NKAIN2: variants seen among roughly 807,000 people sequenced by gnomAD.
NKAIN2 encodes the protein sodium/potassium-transporting ATPase subunit beta-1-interacting protein 2.
Under a neutral mutation model 32.6 loss-of-function variants are expected in NKAIN2, and 14 were observed. The ratio of observed to expected loss-of-function variants is 0.43; its 90% CI spans 0.28 to 0.67. The LOEUF (loss-of-function observed/expected upper bound fraction) is 0.67, where lower values mean the gene tolerates loss of function less well. Ranked by LOEUF, NKAIN2 falls within the 30% of genes least tolerant of loss-of-function variation. The pLI is 0.17. For synonymous variants in NKAIN2, 80 were observed against 87.2 expected, an observed-to-expected ratio of 0.92 and a Z score of 0.46; for missense variants, 198 against 258.3, an observed-to-expected ratio of 0.77 and a Z score of 1.60.
At chr6:124,493,439 A>T (rs1274607028) in intron 3 of NKAIN2, among the ~76,000 whole-genome samples, 1 of 152,048 alleles carries the variant, frequency 6.6e-6, no homozygotes, top group African/African-American at 2.4e-5. Flanking sequence ...AGATTTTATC[A>T]TGAACATCCA....
chr6:124,686,389 T>G (rs1295723806), intron 4 of NKAIN2, among the ~76,000 whole-genome samples: 1 of 152,118 alleles, frequency 6.6e-6, no homozygotes, highest in African/African-American at 2.4e-5. Flanking sequence ...TGGAAAGGCC[T>G]CAGGAAACTT....
chr6:123,911,811 A>ATATATGTG (rs1562253493), intron 1 of NKAIN2, among the ~76,000 whole-genome samples: 1 of 96,654 alleles, frequency 1.0e-5, no homozygotes, highest in Non-Finnish European at 1.9e-5. Flanking sequence ...GTATATATAT[A>ATATATGTG]TACACACACA....
intron 1 of NKAIN2, among the ~76,000 whole-genome samples, chr6:124,155,232 A>G (rs1269092530): frequency 6.6e-6 from 1 of 152,128 alleles, no homozygotes; most frequent in Non-Finnish European, 1.5e-5. Flanking sequence ...GGGAAGAATA[A>G]AACTTTGGCC....
In NKAIN2 at chr6:124,009,573, C is replaced by T. The variant is rs113046948; in HGVS notation, c.54+205319C>T. Among the ~76,000 whole-genome samples, 773 of 152,232 alleles carry T rather than the reference C, an allele frequency of 5.1e-3. 8 individuals carry two copies. The highest frequency in any genetic ancestry group is 0.017 in the African/African-American group (722 of 41,542). ...AGCATTGAGAGCTGCTGAGTGTTCA[C>T]GTTCCAAATGGGTACTTCTGAGTTT... On this transcript the variant is annotated intron_variant, in intron 1 of 6. Transcript: ENST00000368417.
At chr6:124,308,863 A>G (rs1336002410) in intron 2 of NKAIN2, among the ~76,000 whole-genome samples, 6 of 152,188 alleles carry the variant, frequency 3.9e-5, no homozygotes, top group Non-Finnish European at 7.4e-5. Context: ...GAAAGGATCC[A>G]CTAAAGTTTT....
intron 1 of NKAIN2, among the ~76,000 whole-genome samples, chr6:124,230,865 G>A (rs1444738302): frequency 1.3e-5 from 2 of 152,158 alleles, no homozygotes; most frequent in Non-Finnish European, 2.9e-5. Context: ...GGAAATGTAA[G>A]GTTGGAGACC....
intron 1 of NKAIN2, among the ~76,000 whole-genome samples, chr6:124,018,899 G>C (rs746991373): frequency 6.6e-6 from 1 of 152,062 alleles, no homozygotes; most frequent in Non-Finnish European, 1.5e-5. Flanking sequence ...GTATTAGTCT[G>C]TTCTCATGCT....
chr6:124,614,277 C>G (rs1377761693), intron 3 of NKAIN2, among the ~76,000 whole-genome samples: 1 of 152,076 alleles, frequency 6.6e-6, no homozygotes, highest in East Asian at 1.9e-4. Context: ...GCCTGTAATC[C>G]TAGCTACTGG....
At chr6:124,257,381 C>T (rs992288327) in intron 1 of NKAIN2, among the ~76,000 whole-genome samples, 4 of 152,180 alleles carry the variant, frequency 2.6e-5, no homozygotes, top group African/African-American at 7.2e-5. Context: ...CTTCCTACAG[C>T]TCTTAGGAGC....
chr6:124,449,671 C>T (rs1022002604), intron 3 of NKAIN2, among the ~76,000 whole-genome samples: 2 of 152,050 alleles, frequency 1.3e-5, no homozygotes, highest in African/African-American at 4.8e-5. Flanking sequence ...CACACACACA[C>T]ATACAAACAT....
At chr6:124,248,368 G>A (rs1380445806) in intron 1 of NKAIN2, among the ~76,000 whole-genome samples, 2 of 152,058 alleles carry the variant, frequency 1.3e-5, no homozygotes, top group Non-Finnish European at 2.9e-5. Flanking sequence ...CTGTTAAGTG[G>A]TTAATTAGTA....
chr6:124,170,974 C>T (rs978778933), intron 1 of NKAIN2, among the ~76,000 whole-genome samples: 1 of 151,942 alleles, frequency 6.6e-6, no homozygotes, highest in Non-Finnish European at 1.5e-5. Flanking sequence ...GAAAATTTAC[C>T]GTGATTTCTT....
rs566529001 is a variant in NKAIN2 at position 123,805,160 on chromosome 6, G to A, written c.54+906G>A. ...CACCACTCTAAGTGGTTAATTTGAGGTAGGAGCTACTTGCTCACACTTGTC... is the reference window on the plus strand; with the variant it reads ...CACCACTCTAAGTGGTTAATTTGAGATAGGAGCTACTTGCTCACACTTGTC... On this transcript the variant is annotated intron_variant, in intron 1 of 6. Coordinates refer to ENST00000368417, the MANE Select transcript of NKAIN2 (RefSeq NM_001040214.3). 2.5e-4 allele frequency among the ~76,000 whole-genome samples: 38 copies of A among 152,290 alleles called. No homozygotes were observed. In the South Asian group the frequency reaches 7.5e-3, roughly 30 times the overall value.
At chr6:124,364,126 A>T (rs1336054636) in intron 3 of NKAIN2, among the ~76,000 whole-genome samples, 2 of 151,768 alleles carry the variant, frequency 1.3e-5, no homozygotes, top group Non-Finnish European at 2.9e-5. Context: ...GTAAGAACTC[A>T]TTAAGTAGGT....
chr6:123,954,007 T>C (rs1379679955), intron 1 of NKAIN2, among the ~76,000 whole-genome samples: 2 of 152,184 alleles, frequency 1.3e-5, no homozygotes, highest in African/African-American at 4.8e-5. Flanking sequence ...GCATAACAGC[T>C]TTGCTGCCTG....
At chr6:124,143,221 G>A (rs905709484) in intron 1 of NKAIN2, among the ~76,000 whole-genome samples, 33 of 152,194 alleles carry the variant, frequency 2.2e-4, no homozygotes, top group African/African-American at 7.5e-4. Context: ...CAATTTGAGA[G>A]GCTGGGGTGG....
At chr6:124,707,721 A>G (rs562297351) in intron 4 of NKAIN2, among the ~76,000 whole-genome samples, 1 of 151,614 alleles carries the variant, frequency 6.6e-6, no homozygotes, top group East Asian at 1.9e-4. Context: ...GTTTGAGTCC[A>G]TTGTAGATTC....
chr6:124,083,546 C>A (rs1416979567), intron 1 of NKAIN2, among the ~76,000 whole-genome samples: 1 of 151,712 alleles, frequency 6.6e-6, no homozygotes, highest in Non-Finnish European at 1.5e-5. Flanking sequence ...GCTGTTTCAT[C>A]AATATATACT....
At chr6:123,897,960 G>T (rs998364315) in intron 1 of NKAIN2, among the ~76,000 whole-genome samples, 14 of 152,132 alleles carry the variant, frequency 9.2e-5, no homozygotes, top group African/African-American at 3.4e-4. Flanking sequence ...TCCCATTGAG[G>T]CTTCATTCCT....
Sources: allele counts gnomAD v4.1 joint callset (sites outside exome capture counted in the v4.1 genomes callset), GRCh38; gene constraint gnomAD v4.1.1; transcripts MANE v1.5; gene names NCBI Gene and HGNC (gene_info 2026-07-23, HGNC 2026-07-21).